NAV3: variants seen among roughly 807,000 people sequenced by gnomAD.
The protein encoded by NAV3 is neuron navigator 3.
Under a neutral mutation model 244.7 loss-of-function variants are expected in NAV3, and 87 were observed. That is an observed-to-expected ratio of 0.36 (90% CI 0.30 to 0.42). The LOEUF is 0.42. Among genes scored for constraint, NAV3 ranks in the 20% least tolerant of loss-of-function variants. NAV3 has a pLI of 1.00. For synonymous variants in NAV3, 1,126 were observed against 1,042.2 expected (o/e 1.08, Z -1.55); for missense variants, 2,663 against 2,893.3 (o/e 0.92, Z 1.83).
At chr12:77,628,610 G>T (rs1238070182) in intron 2 of NAV3, among the ~76,000 whole-genome samples, 1 of 152,048 alleles carries the variant, frequency 6.6e-6, no homozygotes, top group Non-Finnish European at 1.5e-5. Context: ...CTGTCCAGGT[G>T]TGGTGGCTCT....
chr12:77,869,178 G>A (rs374298336), intron 1 of NAV3, among the ~76,000 whole-genome samples: 12 of 152,092 alleles, frequency 7.9e-5, no homozygotes, highest in African/African-American at 2.9e-4. Flanking sequence ...TCAGTTCTTA[G>A]ATTTACCTCT....
intron 5 of NAV3, among the ~76,000 whole-genome samples, chr12:77,987,127 A>G (rs966654610): frequency 6.6e-6 from 1 of 152,176 alleles, no homozygotes; most frequent in African/African-American, 2.4e-5. Flanking sequence ...GTCAAATGGT[A>G]TATTTTGAAA....
At chr12:78,119,187 T>C (rs1187756202) in intron 14 of NAV3, 50 bp from the exon 15 acceptor site, 1 of 1,478,692 alleles carries the variant, frequency 6.8e-7, no homozygotes, top group East Asian at 2.3e-5. Flanking sequence ...CGAAGTGTGG[T>C]GATATCAAAC....
chr12:77,886,847 G>A (rs546431079), intron 1 of NAV3, among the ~76,000 whole-genome samples: 14 of 151,974 alleles, frequency 9.2e-5, no homozygotes, highest in Non-Finnish European at 1.9e-4. Context: ...TATACCCCTC[G>A]ATTTTAATCA....
intron 12 of NAV3, among the ~76,000 whole-genome samples, chr12:78,065,687 C>A (rs1428465983): frequency 1.3e-5 from 2 of 152,012 alleles, no homozygotes; most frequent in African/African-American, 4.8e-5. Context: ...ACTGAAGGAG[C>A]ATGCTAGGTT....
chr12:77,890,065 C>T (rs1347904055), intron 1 of NAV3, among the ~76,000 whole-genome samples: 1 of 152,044 alleles, frequency 6.6e-6, no homozygotes, highest in Non-Finnish European at 1.5e-5. Flanking sequence ...ACTGAATTCT[C>T]GAATTATATC....
intron 9 of NAV3, among the ~76,000 whole-genome samples, chr12:78,031,840 C>A (rs1321224901): frequency 6.6e-6 from 1 of 151,288 alleles, no homozygotes; most frequent in Non-Finnish European, 1.5e-5. Context: ...ACATATGTAA[C>A]TAACCTGCAC....
chr12:77,930,469 G>A (rs1053309161), intron 1 of NAV3, among the ~76,000 whole-genome samples: 3 of 149,420 alleles, frequency 2.0e-5, no homozygotes, highest in African/African-American at 7.4e-5. Context: ...CAACAGATCT[G>A]TAAAATCCAT....
At chr12:78,210,237 A>G (rs1960762550) in intron 39 of NAV3, among the ~76,000 whole-genome samples, 161 bp from the exon 40 acceptor site, 1 of 152,206 alleles carries the variant, frequency 6.6e-6, no homozygotes, top group Non-Finnish European at 1.5e-5. Flanking sequence ...TGGGAGAAAC[A>G]GCATAGGAGC....
At chr12:77,720,642 C>A (rs1876578357) in intron 2 of NAV3, among the ~76,000 whole-genome samples, 1 of 152,142 alleles carries the variant, frequency 6.6e-6, no homozygotes, top group Admixed American at 6.6e-5. Context: ...ATGCAAACTC[C>A]AATTCTTTCC....
At position 77,942,946 on chromosome 12, in the gene NAV3, C is replaced by T. The variant is rs536521083; in HGVS notation, c.414+1813C>T. Among the ~76,000 whole-genome samples the T allele has an allele frequency of 5.3e-5, 8 of 152,158 alleles. No individual in the cohort carries two copies. The South Asian group carries it at 1.5e-3, about 28-fold the overall frequency. On this transcript the variant is annotated intron_variant, in intron 3 of 39. Coordinates refer to ENST00000397909, the MANE Select transcript of NAV3 (RefSeq NM_001024383.2). ...TTGCTTTTGCTTTCATTATTTTTAC[C>T]ATGAGGAGGTGTTGAATAATATAAA...
At chr12:77,967,658 T>C (rs946216995) in intron 4 of NAV3, among the ~76,000 whole-genome samples, 1 of 152,168 alleles carries the variant, frequency 6.6e-6, no homozygotes, top group African/African-American at 2.4e-5. Flanking sequence ...TTTCAAGCTT[T>C]ACATCCTTCT....
chr12:77,828,366 T>G (rs1873235200), upstream of NAV3, among the ~76,000 whole-genome samples: 1 of 152,146 alleles, frequency 6.6e-6, no homozygotes, highest in Admixed American at 6.5e-5. Flanking sequence ...CTGTTGTTAT[T>G]TATAAATTAC....
chr12:77,880,854 C>T (rs1324537575), intron 1 of NAV3, among the ~76,000 whole-genome samples: 1 of 152,166 alleles, frequency 6.6e-6, no homozygotes, highest in Admixed American at 6.6e-5. Context: ...TGTGTAACTA[C>T]ACTCTATGAT....
intron 22 of NAV3, among the ~76,000 whole-genome samples, chr12:78,155,007 A>T (rs1349667221): frequency 6.6e-6 from 1 of 152,034 alleles, no homozygotes; most frequent in Non-Finnish European, 1.5e-5. Context: ...GATAAATTTA[A>T]GACAATATTT....
chr12:77,906,008 G>T (rs1348501165), intron 1 of NAV3, among the ~76,000 whole-genome samples: 2 of 152,090 alleles, frequency 1.3e-5, no homozygotes, highest in Admixed American at 1.3e-4. Context: ...TAGACAAAAG[G>T]TGAACTTCTG....
chr12:77,855,323 G>T (rs1878230195), intron 1 of NAV3, among the ~76,000 whole-genome samples: 1 of 151,968 alleles, frequency 6.6e-6, no homozygotes, highest in Non-Finnish European at 1.5e-5. Context: ...ATCAAATATT[G>T]TCTGAAATCA....
chr12:78,196,294 T>C (rs1294755550), intron 34 of NAV3, among the ~76,000 whole-genome samples: 1 of 151,988 alleles, frequency 6.6e-6, no homozygotes, highest in African/African-American at 2.4e-5. Flanking sequence ...ACTAAATGCC[T>C]CAAAATCCTG....
At chr12:77,744,159 C>A (rs1296113503) in intron 2 of NAV3, among the ~76,000 whole-genome samples, 2 of 151,856 alleles carry the variant, frequency 1.3e-5, no homozygotes, top group African/African-American at 4.8e-5. Context: ...CATACATTAT[C>A]TGATTGAGTT....
Sources: gnomAD v4.1 joint callset for allele counts (sites outside exome capture counted in the v4.1 genomes callset) on GRCh38, gnomAD v4.1.1 for gene constraint, MANE v1.5 for transcripts, NCBI Gene and HGNC (gene_info 2026-07-23, HGNC 2026-07-21) for gene names.